RBPJ: variants seen among roughly 807,000 people sequenced by gnomAD.
RBPJ encodes recombination signal binding protein for immunoglobulin kappa J region.
Under a neutral mutation model 67.8 loss-of-function variants are expected in RBPJ, and 9 were observed. The observed-to-expected ratio is 0.13, with a 90% CI of 0.08 to 0.23. The LOEUF (loss-of-function observed/expected upper bound fraction) is 0.23, where lower values mean the gene tolerates loss of function less well. Ranked by LOEUF, RBPJ falls within the 10% of genes least tolerant of loss-of-function variation. RBPJ has a pLI of 1.00. For missense variants in RBPJ, 305 were observed against 595.6 expected (o/e 0.51, Z 5.08); for synonymous variants, 198 against 203.3 (o/e 0.97, Z 0.22).
At chr4:26,218,015 CA>C (rs1718774376) in intron 1 of RBPJ, among the ~76,000 whole-genome samples, 1 of 152,188 alleles carries the variant, frequency 6.6e-6, no homozygotes, top group Admixed American at 6.5e-5. Context: ...TATTAAAATG[CA>C]GCAGGACCGT....
Position 26,428,788 on chromosome 4 carries a change from A to G in RBPJ, c.816A>G (p.Lys272=). The G allele has an allele frequency of 7.5e-6, 12 of 1,607,202 alleles. No homozygotes were observed. Among genetic ancestry groups the G allele is most frequent in the Non-Finnish European group, 1.0e-5 (12 of 1,173,916 alleles). The change falls in exon 8 of 11, where the codon AAA becomes AAG. Residue 272 remains lysine, a synonymous_variant. Coordinates refer to ENST00000355476, the MANE Select transcript of RBPJ (RefSeq NM_015874.6). ...ATGATCCTGTGTCACAACTCCATAAATGTGCATTTTACCTTAAGGATACAG... is the reference window on the plus strand; with the variant it reads ...ATGATCCTGTGTCACAACTCCATAAGTGTGCATTTTACCTTAAGGATACAG... ...DADDPVSQLH[K]CAFYLKDTER... is the part of the protein sequence containing the mutation.
At chr4:26,218,444 C>T (rs921242150) in intron 1 of RBPJ, among the ~76,000 whole-genome samples, 4 of 152,128 alleles carry the variant, frequency 2.6e-5, no homozygotes, top group Admixed American at 6.5e-5. Flanking sequence ...CCCTCTACCC[C>T]CCGAAGGGTA....
At chr4:26,147,028 G>T in the RBPJ span, among the ~76,000 whole-genome samples, 6 of 152,318 alleles carry the variant, frequency 3.9e-5, no homozygotes, top group South Asian at 1.2e-3. Context: ...CCAATGAGGT[G>T]GCCGCAGAAG....
At chr4:26,320,625 C>T (rs1039009848), upstream of RBPJ, 126 of 1,090,804 alleles carry the variant, frequency 1.2e-4, no homozygotes, top group Non-Finnish European at 1.5e-4. Context: ...AGGACCCCTC[C>T]TCCCTTCTCC....
At chr4:26,289,627 A>G (rs1004977281) in intron 1 of RBPJ, among the ~76,000 whole-genome samples, 1 of 150,510 alleles carries the variant, frequency 6.6e-6, no homozygotes, top group African/African-American at 2.5e-5. Flanking sequence ...TAGAGTTAAT[A>G]CCGCTTAACA....
the RBPJ span, among the ~76,000 whole-genome samples, chr4:26,147,302 C>A: frequency 6.6e-6 from 1 of 152,180 alleles, no homozygotes; most frequent in African/African-American, 2.4e-5. Flanking sequence ...AGAGACAATT[C>A]CTAAAACCAC....
intron 1 of RBPJ, among the ~76,000 whole-genome samples, chr4:26,280,549 C>G (rs138246698): frequency 8.3e-4 from 127 of 152,194 alleles, no homozygotes; most frequent in African/African-American, 2.9e-3. Flanking sequence ...GCTTTGCAAA[C>G]ATTTTATTCA....
chr4:26,415,400 C>A, intron 3 of RBPJ, 75 bp from the exon 4 acceptor site: 1 of 1,249,102 alleles, frequency 8.0e-7, no homozygotes, highest in South Asian at 1.5e-5. Flanking sequence ...TCATAATGTT[C>A]AAGGAAAGGA....
At chr4:26,324,893 G>C (rs768590781) in intron 1 of RBPJ, among the ~76,000 whole-genome samples, 3 of 152,182 alleles carry the variant, frequency 2.0e-5, no homozygotes, top group Non-Finnish European at 4.4e-5. Flanking sequence ...AGCCAAGTCT[G>C]TTAATAGCAG....
chr4:26,352,008 A>G (rs142536884), intron 1 of RBPJ, among the ~76,000 whole-genome samples: 2,020 of 152,302 alleles, frequency 0.013, 31 homozygotes, highest in South Asian at 0.019. Context: ...TTGGGATCAC[A>G]GTGAACTGAC....
At chr4:26,144,267 C>CTTTTTTTTTTTTTTTTTTTTT in the RBPJ span, among the ~76,000 whole-genome samples, 1 of 106,064 alleles carries the variant, frequency 9.4e-6, no homozygotes, top group African/African-American at 3.7e-5. Context: ...TAAGAAAATT[C>CTTTTTTTTTTTTTTTTTTTTT]TTTTTTTTTT....
chr4:26,396,489 A>G (rs1732131558), intron 2 of RBPJ, among the ~76,000 whole-genome samples: 1 of 152,270 alleles, frequency 6.6e-6, no homozygotes, highest in South Asian at 2.1e-4. Flanking sequence ...AGCACCTCAT[A>G]CTATTTTATG....
At chr4:26,427,799 T>C (rs1735826451) in intron 7 of RBPJ, among the ~76,000 whole-genome samples, 1 of 152,180 alleles carries the variant, frequency 6.6e-6, no homozygotes, top group South Asian at 2.1e-4. Flanking sequence ...TCTTTACTTT[T>C]GATTTTGAGA....
intron 1 of RBPJ, among the ~76,000 whole-genome samples, chr4:26,243,897 C>A (rs375219471): frequency 1.3e-5 from 2 of 152,122 alleles, no homozygotes; most frequent in African/African-American, 2.4e-5. Flanking sequence ...GAGTTCAAGA[C>A]CAGCCTGGGT....
rs114956273 is a variant in RBPJ, at chr4:26,276,847, T to C, written c.-166-85599T>C. On this transcript the variant is annotated intron_variant, in intron 1 of 4. Coordinates refer to the RBPJ transcript ENST00000512351. ...TTCTTCTTTCTGTCTGTTTCCTTTG[T>C]AGCAAGGGCGGAGTCAAAAACTGCC... is the stretch of plus-strand genomic sequence containing the variant. Among the ~76,000 whole-genome samples the C allele has an allele frequency of 6.5e-3, 988 of 152,334 alleles. 8 individuals are homozygous for C. The highest frequency in any genetic ancestry group is 0.023 in the African/African-American group (946 of 41,570).
intron 1 of RBPJ, among the ~76,000 whole-genome samples, chr4:26,231,561 G>A (rs775208699): frequency 3.3e-5 from 5 of 151,656 alleles, no homozygotes; most frequent in African/African-American, 1.2e-4. Flanking sequence ...ATAGGCACCC[G>A]CCACCATGCC....
chr4:26,341,562 C>T (rs1288126976), intron 1 of RBPJ, among the ~76,000 whole-genome samples: 1 of 151,598 alleles, frequency 6.6e-6, no homozygotes, highest in African/African-American at 2.4e-5. Context: ...TGCAGTGAGC[C>T]GAGATTGCAC....
intron 1 of RBPJ, among the ~76,000 whole-genome samples, chr4:26,186,137 A>T (rs920873858): frequency 6.6e-6 from 1 of 151,356 alleles, no homozygotes; most frequent in African/African-American, 2.4e-5. Context: ...GGCCTGATAG[A>T]CATCCACTTA....
chr4:26,386,305 T>C, intron 1 of RBPJ, 48 bp from the exon 2 acceptor site: 1 of 1,325,434 alleles, frequency 7.5e-7, no homozygotes, highest in African/African-American at 1.5e-5. Context: ...CTGTAGAGTG[T>C]ATCATAAAGC....
Sources: allele counts gnomAD v4.1 joint callset (sites outside exome capture counted in the v4.1 genomes callset), GRCh38; gene constraint gnomAD v4.1.1; transcripts MANE v1.5; gene names NCBI Gene and HGNC (gene_info 2026-07-23, HGNC 2026-07-21).